The following HHAT variants were observed in gnomAD, a reference collection of about 807,000 sequenced individuals.
HHAT encodes the protein hedgehog acyltransferase.
Under a neutral mutation model 70.8 loss-of-function variants are expected in HHAT, and 47 were observed. That is an observed-to-expected ratio of 0.66 (90% confidence interval 0.53 to 0.85). The LOEUF is 0.85. Among genes scored for constraint, HHAT ranks in the 40% least tolerant of loss-of-function variants. The pLI, the probability that HHAT is intolerant of heterozygous loss-of-function variation, is 0.00. For synonymous variants in HHAT, 228 were observed against 247.6 expected (o/e 0.92, Z 0.74); for missense variants, 609 against 604.8 (o/e 1.01, Z -0.07).
intron 7 of HHAT, among the ~76,000 whole-genome samples, chr1:210,419,274 T>G (rs2092821171): frequency 6.6e-6 from 1 of 152,144 alleles, no homozygotes; most frequent in South Asian, 2.1e-4. Flanking sequence ...CCTCTGTAGA[T>G]CCCCTTTCCT....
chr1:210,544,341 G>A (rs948370333), intron 9 of HHAT, among the ~76,000 whole-genome samples: 3 of 96,894 alleles, frequency 3.1e-5, no homozygotes, highest in Admixed American at 2.9e-4. Flanking sequence ...AGGGTGTTTT[G>A]TTTTTTTCTT....
chr1:210,482,229 G>A (rs1468387551), intron 8 of HHAT, among the ~76,000 whole-genome samples: 2 of 152,006 alleles, frequency 1.3e-5, no homozygotes, highest in Non-Finnish European at 1.5e-5. Flanking sequence ...TGTACCTCCT[G>A]GTCCCCAAAT....
At chr1:210,401,986 C>T (rs570570699) in intron 5 of HHAT, among the ~76,000 whole-genome samples, 10 of 152,276 alleles carry the variant, frequency 6.6e-5, no homozygotes, top group Non-Finnish European at 1.5e-4. Flanking sequence ...TATCTCAGGC[C>T]CACTCAGGCT....
At chr1:210,563,462 A>G (rs1279367889) in intron 9 of HHAT, among the ~76,000 whole-genome samples, 1 of 152,124 alleles carries the variant, frequency 6.6e-6, no homozygotes, top group Non-Finnish European at 1.5e-5. Flanking sequence ...TAGTGGGTGG[A>G]AAGCACGATG....
chr1:210,593,311 C>G (rs562850015), intron 10 of HHAT, among the ~76,000 whole-genome samples: 4 of 152,070 alleles, frequency 2.6e-5, no homozygotes, highest in Non-Finnish European at 2.9e-5. Context: ...ATGTAGGTGC[C>G]TATAGCTATA....
intron 1 of HHAT, among the ~76,000 whole-genome samples, chr1:210,340,238 C>A (rs139158711): frequency 9.5e-5 from 4 of 42,246 alleles, no homozygotes; most frequent in Admixed American, 4.2e-4. Context: ...AAGACTCTGT[C>A]TCAGAAAAAA....
At chr1:210,538,261 T>A (rs992846604) in intron 9 of HHAT, among the ~76,000 whole-genome samples, 3 of 152,182 alleles carry the variant, frequency 2.0e-5, no homozygotes, top group Admixed American at 2.0e-4. Flanking sequence ...ACATTTTACT[T>A]CATCTAAGGA....
rs187602807 is a variant in HHAT, at chr1:210,482,190, C to A, written c.1007+17535C>A. 3.0e-3 allele frequency among the ~76,000 whole-genome samples: 458 copies of A among 152,274 alleles called. 5 individuals carry two copies. Among genetic ancestry groups the A allele is most frequent in the Non-Finnish European group, 2.5e-3 (169 of 68,012 alleles). On this transcript the variant is annotated intron_variant, in intron 8 of 11. Coordinates refer to ENST00000261458, the MANE Select transcript of HHAT (RefSeq NM_018194.6). ...ATCTATAGCCAAGCCTAGATGTCAT[C>A]ATCTGCTCACCACTAAAAAGAACTC...
intron 10 of HHAT, among the ~76,000 whole-genome samples, chr1:210,591,780 C>T (rs1661765314): frequency 6.6e-6 from 1 of 152,008 alleles, no homozygotes; most frequent in South Asian, 2.1e-4. Context: ...ATTTTTCTGA[C>T]TTTAGTGTTG....
At chr1:210,567,510 A>C (rs1354510469) in intron 9 of HHAT, among the ~76,000 whole-genome samples, 2 of 152,134 alleles carry the variant, frequency 1.3e-5, no homozygotes, top group African/African-American at 2.4e-5. Flanking sequence ...TCTTTTCTTT[A>C]TTTATCAAAA....
At chr1:210,630,177 C>T (rs1573864857) in intron 11 of HHAT, among the ~76,000 whole-genome samples, 1 of 152,130 alleles carries the variant, frequency 6.6e-6, no homozygotes, top group African/African-American at 2.4e-5. Context: ...CTTTGTGATT[C>T]CACTGGGCCT....
intron 1 of HHAT, 179 bp downstream of exon 1, chr1:210,329,283 G>A: frequency 8.2e-7 from 1 of 1,225,660 alleles, no homozygotes; most frequent in Non-Finnish European, 1.0e-6. Context: ...GACAAAAGCG[G>A]CGGGGGCCGC....
chr1:210,586,684 A>AT (rs1383165132), intron 9 of HHAT, among the ~76,000 whole-genome samples: 2 of 152,102 alleles, frequency 1.3e-5, no homozygotes, highest in Admixed American at 6.5e-5. Flanking sequence ...TCAGAAAAGG[A>AT]TTTTTTCATT....
At chr1:210,422,318 A>G (rs1277963113) in intron 7 of HHAT, among the ~76,000 whole-genome samples, 2 of 152,182 alleles carry the variant, frequency 1.3e-5, no homozygotes, top group East Asian at 1.9e-4. Flanking sequence ...ACTATGTAAT[A>G]TATTATTAAC....
intron 7 of HHAT, among the ~76,000 whole-genome samples, chr1:210,427,626 T>A (rs2093105228): frequency 6.6e-6 from 1 of 152,196 alleles, no homozygotes; most frequent in Non-Finnish European, 1.5e-5. Flanking sequence ...AGTGAATTTC[T>A]TAGCCTTGAT....
At chr1:210,422,856 C>T (rs772009301) in intron 7 of HHAT, among the ~76,000 whole-genome samples, 8 of 152,062 alleles carry the variant, frequency 5.3e-5, no homozygotes, top group African/African-American at 1.7e-4. Context: ...AGGCTGGTCT[C>T]GAACTCCTGA....
intron 10 of HHAT, among the ~76,000 whole-genome samples, chr1:210,622,943 T>G (rs1669136529): frequency 6.6e-6 from 1 of 152,194 alleles, no homozygotes; most frequent in African/African-American, 2.4e-5. Flanking sequence ...GGCTGCTAAA[T>G]CCTAACTGGC....
intron 4 of HHAT, 72 bp from the exon 5 acceptor site, chr1:210,400,396 C>T: frequency 1.5e-6 from 2 of 1,358,596 alleles, no homozygotes; most frequent in African/African-American, 1.5e-5. Flanking sequence ...CTTCCATGAG[C>T]TCACTTCTGT....
intron 9 of HHAT, among the ~76,000 whole-genome samples, chr1:210,564,795 C>T (rs1247676416): frequency 7.3e-6 from 1 of 136,764 alleles, no homozygotes; most frequent in Non-Finnish European, 1.5e-5. Context: ...ATGACCTTGA[C>T]AAAAGCTGAT....
Sources: allele counts gnomAD v4.1 joint callset (sites outside exome capture counted in the v4.1 genomes callset), GRCh38; gene constraint gnomAD v4.1.1; transcripts MANE v1.5; gene names NCBI Gene and HGNC (gene_info 2026-07-23, HGNC 2026-07-21).